Variants in XKR4 observed in about 807,000 individuals in gnomAD.
XKR4 encodes the protein XK-related protein 4.
In XKR4, 12 loss-of-function variants were observed where a neutral mutation model predicts 53.9. The observed-to-expected ratio is 0.22, with a 90% CI of 0.14 to 0.36. The LOEUF is 0.36. Ranked by LOEUF, XKR4 falls within the 10% of genes least tolerant of loss-of-function variation. The pLI is 1.00. For missense variants in XKR4, 799 were observed against 859.5 expected, an observed-to-expected ratio of 0.93 and a Z score of 0.88; for synonymous variants, 354 against 362.4, an observed-to-expected ratio of 0.98 and a Z score of 0.26.
chr8:55,487,448 G>A (rs190550205), intron 2 of XKR4, among the ~76,000 whole-genome samples: 73 of 150,372 alleles, frequency 4.9e-4, no homozygotes, highest in African/African-American at 1.7e-3. Context: ...TGCATTTACT[G>A]GGTTTCTAGA....
At chr8:55,425,497 C>A (rs189602716) in intron 2 of XKR4, among the ~76,000 whole-genome samples, 1 of 152,286 alleles carries the variant, frequency 6.6e-6, no homozygotes, top group East Asian at 1.9e-4. Flanking sequence ...TCCTTCTGAG[C>A]CTCAGGCTAT....
intron 2 of XKR4, among the ~76,000 whole-genome samples, chr8:55,510,479 C>T (rs1181936453): frequency 1.3e-5 from 2 of 152,068 alleles, no homozygotes; most frequent in African/African-American, 4.8e-5. Flanking sequence ...AAAAACCCCA[C>T]GGGAGGGAGA....
At chr8:55,254,879 A>G (rs80131529) in intron 1 of XKR4, among the ~76,000 whole-genome samples, 2,407 of 152,272 alleles carry the variant, frequency 0.016, 60 homozygotes, top group African/African-American at 0.053. Flanking sequence ...CTGGCCCCCA[A>G]TATTGAAAGA....
chr8:55,505,511 A>G (rs1806514304), intron 2 of XKR4, among the ~76,000 whole-genome samples: 2 of 152,214 alleles, frequency 1.3e-5, no homozygotes, highest in Non-Finnish European at 2.9e-5. Flanking sequence ...TGATTGCACC[A>G]TGATACTCCT....
chr8:55,418,509 C>T (rs1804882119), intron 2 of XKR4, among the ~76,000 whole-genome samples: 1 of 152,162 alleles, frequency 6.6e-6, no homozygotes, highest in African/African-American at 2.4e-5. Context: ...CCTCCGCTGC[C>T]CTCATCCTGA....
chr8:55,357,079 G>A (rs1803805115), intron 1 of XKR4, among the ~76,000 whole-genome samples: 1 of 152,146 alleles, frequency 6.6e-6, no homozygotes, highest in African/African-American at 2.4e-5. Flanking sequence ...TTAGTGAAGT[G>A]GAGAGTCAAA....
chr8:55,280,810 A>G (rs748914884), intron 1 of XKR4, among the ~76,000 whole-genome samples: 1 of 152,212 alleles, frequency 6.6e-6, no homozygotes, highest in Non-Finnish European at 1.5e-5. Context: ...AGAAAACAAG[A>G]CTAAATGCCC....
At chr8:55,372,924 G>A (rs1345450805) in intron 2 of XKR4, among the ~76,000 whole-genome samples, 1 of 152,168 alleles carries the variant, frequency 6.6e-6, no homozygotes, top group Non-Finnish European at 1.5e-5. Flanking sequence ...CAGATGCAAG[G>A]GGGTTGGGAA....
At chr8:55,440,681 G>A (rs1201920391) in intron 2 of XKR4, among the ~76,000 whole-genome samples, 1 of 152,014 alleles carries the variant, frequency 6.6e-6, no homozygotes, top group Non-Finnish European at 1.5e-5. Flanking sequence ...AAAAGAGTGG[G>A]CAAATATAAA....
chr8:55,321,686 C>T (rs1803215598), intron 1 of XKR4, among the ~76,000 whole-genome samples: 1 of 152,134 alleles, frequency 6.6e-6, no homozygotes, highest in Non-Finnish European at 1.5e-5. Context: ...TGTGAACCCA[C>T]CACCTATTAA....
At chr8:55,507,906 T>A (rs1163943415) in intron 2 of XKR4, among the ~76,000 whole-genome samples, 1 of 152,150 alleles carries the variant, frequency 6.6e-6, no homozygotes, top group Admixed American at 6.5e-5. Flanking sequence ...TAGTTCTAGA[T>A]CCCTGAGGAA....
rs148056227 is a variant in XKR4, at chr8:55,434,350, T to A, written c.1006+76473T>A. On this transcript the variant is annotated intron_variant, in intron 2 of 2. Transcript: ENST00000327381. ...TAAATTCAACATTGAAAATATTTTA[T>A]GTAAAAATTTAATATGAGTTTGAAA... 9.2e-5 allele frequency among the ~76,000 whole-genome samples: 14 copies of A among 152,164 alleles called. 1 individual carries two copies. The highest frequency in any genetic ancestry group is 1.8e-4 in the Non-Finnish European group (12 of 68,042).
chr8:55,280,514 C>T lies in XKR4; in HGVS notation c.807-77164C>T, dbSNP rs530571875. 2.0e-5 allele frequency among the ~76,000 whole-genome samples: 3 copies of T among 152,296 alleles called. No individual in the cohort carries two copies. In the East Asian group the frequency reaches 5.8e-4, roughly 29 times the overall value. The stretch of plus-strand genomic sequence containing the variant: ...TCTAGTCCTATGTGCATCTATCCCC[C>T]TCATCTTTCCATGATGATGAGACCA... On this transcript the variant is annotated intron_variant, in intron 1 of 2. Coordinates refer to ENST00000327381, the MANE Select transcript of XKR4 (RefSeq NM_052898.2).
chr8:55,153,953 G>A (rs1816872571), intron 1 of XKR4, among the ~76,000 whole-genome samples: 1 of 152,204 alleles, frequency 6.6e-6, no homozygotes, highest in Non-Finnish European at 1.5e-5. Context: ...TTGATGCGAT[G>A]TATTCCCAGG....
At chr8:55,452,036 G>T in intron 2 of XKR4, 4 of 740,152 alleles carry the variant, frequency 5.4e-6, no homozygotes. Flanking sequence ...TCCAGGACAG[G>T]GTTCTGAGGG....
At chr8:55,470,571 GTCT>G (rs1444425214) in intron 2 of XKR4, among the ~76,000 whole-genome samples, 1 of 152,104 alleles carries the variant, frequency 6.6e-6, no homozygotes, top group East Asian at 1.9e-4. Flanking sequence ...ACGTTGCCAA[GTCT>G]CAGGTATGTC....
chr8:55,153,633 A>G (rs1816867237), intron 1 of XKR4, among the ~76,000 whole-genome samples: 1 of 152,224 alleles, frequency 6.6e-6, no homozygotes, highest in Non-Finnish European at 1.5e-5. Flanking sequence ...AAGAGTTCCA[A>G]TACAAAAGTA....
chr8:55,445,557 A>T (rs1805335074), intron 2 of XKR4, among the ~76,000 whole-genome samples: 1 of 152,160 alleles, frequency 6.6e-6, no homozygotes, highest in African/African-American at 2.4e-5. Flanking sequence ...CCTAGAAATC[A>T]GAGTTTAAAA....
chr8:55,236,368 A>G (rs1233197339), intron 1 of XKR4, among the ~76,000 whole-genome samples: 1 of 152,160 alleles, frequency 6.6e-6, no homozygotes, highest in Non-Finnish European at 1.5e-5. Flanking sequence ...CCTGGTCTGC[A>G]TGAAGGAGCA....
Sources: allele counts gnomAD v4.1 joint callset (sites outside exome capture counted in the v4.1 genomes callset), GRCh38; gene constraint gnomAD v4.1.1; transcripts MANE v1.5; gene names NCBI Gene and HGNC (gene_info 2026-07-23, HGNC 2026-07-21).